TNS3: variants seen among roughly 807,000 people sequenced by gnomAD.
TNS3 encodes the protein tensin 3, also known as tensin-3.
In TNS3, 45 loss-of-function variants were observed where a neutral mutation model predicts 140.9. That is an observed-to-expected ratio of 0.32 (90% CI 0.25 to 0.41). The LOEUF (loss-of-function observed/expected upper bound fraction) is 0.41. Among genes scored for constraint, TNS3 ranks in the 10% least tolerant of loss-of-function variants. The pLI is 1.00. For missense variants in TNS3, 1,716 were observed against 1,906.7 expected, an observed-to-expected ratio of 0.90 and a Z score of 1.86; for synonymous variants, 815 against 788.4, an observed-to-expected ratio of 1.03 and a Z score of -0.56.
intron 20 of TNS3, among the ~76,000 whole-genome samples, chr7:47,324,860 G>A (rs145663921): frequency 2.4e-4 from 37 of 152,282 alleles, no homozygotes; most frequent in African/African-American, 8.4e-4. Flanking sequence ...TTTTTAAATA[G>A]TCTGCGCATA....
intron 10 of TNS3, among the ~76,000 whole-genome samples, 194 bp downstream of exon 10, chr7:47,423,887 TAGGGGGCTGTCTCTCACCAC>T (rs1361425880): frequency 3.9e-5 from 6 of 152,120 alleles, no homozygotes; most frequent in African/African-American, 1.4e-4. Flanking sequence ...GCCAGCAGCA[TAGGGGGCTGTCTCTCACCAC>T]AGACACACAG....
intron 13 of TNS3, chr7:47,405,469 G>A (rs1793392865): frequency 2.8e-6 from 2 of 702,614 alleles, no homozygotes; most frequent in Admixed American, 4.0e-5. Context: ...ATAGGTCAAA[G>A]ACTTAAGTCA....
At chr7:47,436,323 T>C (rs952208488) in intron 7 of TNS3, among the ~76,000 whole-genome samples, 14 of 152,238 alleles carry the variant, frequency 9.2e-5, no homozygotes, top group Non-Finnish European at 1.5e-5. Context: ...GTTACTCTAA[T>C]GGCTGCAAAA....
At chr7:47,540,330 A>G (rs1056030139) in intron 1 of TNS3, among the ~76,000 whole-genome samples, 11 of 152,198 alleles carry the variant, frequency 7.2e-5, no homozygotes, top group African/African-American at 2.7e-4. Context: ...GGCAGACATC[A>G]GCAAACCAGC....
intron 4 of TNS3, chr7:47,453,084 G>A (rs1351544816): frequency 1.0e-6 from 1 of 985,614 alleles, no homozygotes; most frequent in Non-Finnish European, 1.2e-6. Flanking sequence ...GAGGCAGCTG[G>A]AATAGCCCAC....
At chr7:47,438,039 A>AAATAATAATAAT (rs56039512) in intron 6 of TNS3, among the ~76,000 whole-genome samples, 43 of 147,692 alleles carry the variant, frequency 2.9e-4, no homozygotes, top group African/African-American at 1.0e-3. Flanking sequence ...TTCAAAATGA[A>AAATAATAATAAT]AATAATAATA....
At position 47,368,773 on chromosome 7, in the gene TNS3, C is replaced by A. The variant is rs753762948; in HGVS notation, c.1873G>T (p.Ala625Ser). The A allele has an allele frequency of 6.3e-7, 1 of 1,596,312 alleles. No individual in the cohort carries two copies. Among genetic ancestry groups the A allele is most frequent in the East Asian group, 2.2e-5 (1 of 44,704 alleles). The change falls in exon 17 of 31, where the codon GCC (alanine) becomes TCC (serine). Residue 625 changes from alanine to serine, a missense_variant. Ala to Ser is a moderately conservative substitution (Grantham distance 99). This residue lies in a region of TNS3 where 1,163 missense variants were observed against 1,182.1 expected (regional missense o/e 0.98). Coordinates refer to ENST00000311160, the MANE Select transcript of TNS3 (RefSeq NM_022748.12). ...CPADNPGLVQ[A>S]QPRVPLTPTR... ...GGGGTGAGTGGCACTCTGGGCTGGGCCTGGACGAGGCCAGGATTGTCTGCA... is the reference window on the plus strand; with the variant it reads ...GGGGTGAGTGGCACTCTGGGCTGGGACTGGACGAGGCCAGGATTGTCTGCA...
chr7:47,328,626 GC>G (rs1279175246), intron 20 of TNS3, among the ~76,000 whole-genome samples: 2 of 151,634 alleles, frequency 1.3e-5, no homozygotes, highest in Non-Finnish European at 2.9e-5. Context: ...TCAGTCCTCT[GC>G]CCCCCACCCC....
upstream of TNS3, chr7:47,582,444 G>A (rs1340006814): frequency 2.2e-6 from 1 of 456,680 alleles, no homozygotes; most frequent in South Asian, 1.5e-5. Context: ...GGCGGGTTCG[G>A]ATCCTGGTTC....
At position 47,564,825 on chromosome 7, in the gene TNS3, C is replaced by T. The variant is rs146815438; in HGVS notation, c.-265+17226G>A. 4.5e-4 allele frequency among the ~76,000 whole-genome samples: 69 copies of T among 151,904 alleles called. 2 individuals carry two copies. The East Asian group carries it at 9.5e-3, about 21-fold the overall frequency. On this transcript the variant is annotated intron_variant, in intron 1 of 30. Transcript: ENST00000311160. ...CTCTTGGCTGCCTCCCCGACCCTAT[C>T]CTCATTCAGCTCTCAGTTTCCACAG...
chr7:47,552,077 G>A (rs189979951), intron 1 of TNS3, among the ~76,000 whole-genome samples: 1 of 149,658 alleles, frequency 6.7e-6, no homozygotes, highest in African/African-American at 2.6e-5. Context: ...ACCTCCCCAC[G>A]CCCATCACAT....
chr7:47,500,440 C>T (rs985673249), intron 3 of TNS3, among the ~76,000 whole-genome samples: 1 of 152,180 alleles, frequency 6.6e-6, no homozygotes, highest in African/African-American at 2.4e-5. Context: ...TGCAACTGCT[C>T]GGTCCCAGCC....
intron 11 of TNS3, 126 bp downstream of exon 11, chr7:47,414,968 A>G: frequency 1.5e-6 from 1 of 679,146 alleles, no homozygotes; most frequent in Non-Finnish European, 2.5e-6. Context: ...ATCGCCAGGG[A>G]GGCAGAGGAG....
intron 20 of TNS3, among the ~76,000 whole-genome samples, chr7:47,327,642 A>T (rs1403011775): frequency 1.3e-5 from 2 of 152,232 alleles, no homozygotes; most frequent in Admixed American, 1.3e-4. Context: ...AGTGAATCTC[A>T]GCAAAGACAA....
chr7:47,344,321 A>G (rs1454134050), intron 20 of TNS3, among the ~76,000 whole-genome samples: 2 of 152,198 alleles, frequency 1.3e-5, no homozygotes, highest in East Asian at 3.8e-4. Flanking sequence ...GACAGTGATT[A>G]GGCACCCACT....
chr7:47,402,234 A>T (rs891101733), intron 13 of TNS3, among the ~76,000 whole-genome samples: 1 of 152,146 alleles, frequency 6.6e-6, no homozygotes, highest in Non-Finnish European at 1.5e-5. Context: ...GGGTAAATAA[A>T]CCAAAAAAAT....
Position 47,303,162 on chromosome 7 carries a change from C to T in TNS3, c.3245G>A (p.Ser1082Asn). The part of the protein sequence containing the change: ...TVAPGHSSHH[S>N]PGLQGQGVTL... ...CACACCCTGGCCCTGCAGGCCTGGA[C>T]TGTGGTGGCTGCTGTGTCCAGGCGC... The change falls in exon 22 of 31, where the codon AGT becomes AAT. Residue 1082 changes from serine to asparagine, a missense_variant. By Grantham distance (46) the Ser-to-Asn change is conservative. Coordinates refer to ENST00000311160, the MANE Select transcript of TNS3 (RefSeq NM_022748.12). 6.2e-7 allele frequency: 1 copy of T among 1,613,802 alleles called. No homozygotes were observed. The highest frequency in any genetic ancestry group is 8.5e-7 in the Non-Finnish European group (1 of 1,179,986).
Position 47,434,309 on chromosome 7 carries a change from G to GAA in TNS3, c.324+971_324+972dup, listed in dbSNP as rs34227350. The stretch of plus-strand genomic sequence containing the variant: ...TTTTTTAGTGTAAAAGAGTCCGGAA[G>GAA]AAAAAAAAAAAAAAAACTTCTATCT... On this transcript the variant is annotated intron_variant, in intron 8 of 30. Transcript: ENST00000311160. Among the ~76,000 whole-genome samples, 223 of 130,640 alleles carry GAA rather than the reference G, an allele frequency of 1.7e-3. 1 individual carries two copies. The highest frequency in any genetic ancestry group is 1.9e-3 in the Admixed American group (26 of 13,520). The allele number at this position is 130,640 out of a possible 152,430, so 85.7% of individuals were successfully genotyped here.
chr7:47,567,466 C>T (rs751084944), intron 1 of TNS3, among the ~76,000 whole-genome samples: 41 of 152,014 alleles, frequency 2.7e-4, no homozygotes, highest in Admixed American at 2.7e-3. Flanking sequence ...AGATGGATCA[C>T]GAGGTCAGGA....
Sources: gnomAD v4.1 joint callset for allele counts (sites outside exome capture counted in the v4.1 genomes callset) on GRCh38, gnomAD v4.1.1 for gene constraint, gnomAD v4.1.1 regional missense constraint, MANE v1.5 for transcripts, NCBI Gene and HGNC (gene_info 2026-07-23, HGNC 2026-07-21) for gene names.